Variants in NIBAN2 observed in about 807,000 individuals in gnomAD.
NIBAN2 encodes the protein protein Niban 2.
In NIBAN2, 36 loss-of-function variants were observed where a neutral mutation model predicts 81.8. That is an observed-to-expected ratio of 0.44 (90% CI 0.34 to 0.58). NIBAN2 has a LOEUF of 0.58. Ranked by LOEUF, NIBAN2 falls within the 20% of genes least tolerant of loss-of-function variation. NIBAN2 has a pLI of 0.02. For synonymous variants in NIBAN2, 445 were observed against 441.6 expected (o/e 1.01, Z -0.10); for missense variants, 897 against 1,014.1 (o/e 0.88, Z 1.57).
intron 1 of NIBAN2, among the ~76,000 whole-genome samples, chr9:127,566,179 C>A (rs1468768298): frequency 6.6e-6 from 1 of 152,092 alleles, no homozygotes; most frequent in African/African-American, 2.4e-5. Context: ...ATACTGGGAC[C>A]TTGAGCTGGC....
At chr9:127,561,520 C>T (rs1161627650) in intron 1 of NIBAN2, among the ~76,000 whole-genome samples, 1 of 152,216 alleles carries the variant, frequency 6.6e-6, no homozygotes, top group Non-Finnish European at 1.5e-5. Context: ...GGCTCTAAGA[C>T]TCAGACAGGT....
intron 1 of NIBAN2, among the ~76,000 whole-genome samples, chr9:127,538,363 C>T (rs1289233173): frequency 6.6e-6 from 1 of 152,186 alleles, no homozygotes; most frequent in Non-Finnish European, 1.5e-5. Context: ...TTAATCCTAA[C>T]AGGTATTAGT....
intron 9 of NIBAN2, 61 bp from the exon 10 acceptor site, chr9:127,509,192 C>T (rs548651166): frequency 6.0e-6 from 9 of 1,504,478 alleles, no homozygotes; most frequent in Middle Eastern, 2.1e-4. Context: ...CAGCACCCCC[C>T]ACACACTTTG....
chr9:127,540,191 C>T (rs751296306), intron 1 of NIBAN2, among the ~76,000 whole-genome samples: 1 of 152,158 alleles, frequency 6.6e-6, no homozygotes, highest in African/African-American at 2.4e-5. Context: ...TCCAAACTGA[C>T]AACGTTAAGG....
chr9:127,519,553 C>T (rs1221797693), intron 5 of NIBAN2, among the ~76,000 whole-genome samples: 1 of 152,262 alleles, frequency 6.6e-6, no homozygotes, highest in Non-Finnish European at 1.5e-5. Context: ...GAAAAAGCCC[C>T]TCTCTGGGTC....
At chr9:127,513,043 A>G (rs146075754) in intron 8 of NIBAN2, among the ~76,000 whole-genome samples, 81 of 152,356 alleles carry the variant, frequency 5.3e-4, no homozygotes, top group Admixed American at 2.9e-3. Flanking sequence ...GCCGTAAAAA[A>G]GAACGAGTTT....
At chr9:127,510,018 AG>A (rs1203341177) in intron 9 of NIBAN2, 127 bp downstream of exon 9, 6 of 833,216 alleles carry the variant, frequency 7.2e-6, no homozygotes, top group Non-Finnish European at 1.1e-5. Context: ...AGTCCCCAGC[AG>A]CCCCTCCCCG....
intron 1 of NIBAN2, among the ~76,000 whole-genome samples, chr9:127,554,548 C>CTTTTTTTTTTTT (rs1230242603): frequency 0.014 from 1,406 of 103,760 alleles, 1 homozygote; most frequent in Non-Finnish European, 0.018. Context: ...TTTTCTTTTT[C>CTTTTTTTTTTTT]TTTTTTTTTT....
upstream of NIBAN2, among the ~76,000 whole-genome samples, chr9:127,572,203 G>A (rs1345053859): frequency 6.6e-6 from 1 of 151,914 alleles, no homozygotes; most frequent in East Asian, 1.9e-4. Flanking sequence ...TCATAGAGAT[G>A]GGATCTCACC....
intron 1 of NIBAN2, among the ~76,000 whole-genome samples, chr9:127,537,644 C>G (rs1837303687): frequency 6.6e-6 from 1 of 152,172 alleles, no homozygotes; most frequent in African/African-American, 2.4e-5. Flanking sequence ...TTGGTTGCCC[C>G]CTTTTCGCTT....
chr9:127,508,132 G>C lies in NIBAN2; in HGVS notation c.1503C>G (p.Ile501Met), dbSNP rs369275279. 1.1e-4 allele frequency: 179 copies of C among 1,613,550 alleles called. No homozygotes were observed. The highest frequency in any genetic ancestry group is 1.4e-4 in the Non-Finnish European group (169 of 1,180,034). The change falls in exon 12 of 14, where the codon ATC becomes ATG. Residue 501 changes from isoleucine to methionine, a missense_variant. By Grantham distance (10) the Ile-to-Met change is conservative. Coordinates refer to ENST00000373312, the MANE Select transcript of NIBAN2 (RefSeq NM_022833.4). This position sits in a 1 kb window ranked among gnomAD's most constrained non-coding sequence, Gnocchi z 6.4. ...GGGCCAGCTTCTTGAGCAGGAACGGGATGCTGATCTGCAGCAGCGCCTCCC... is the reference window on the plus strand; with the variant it reads ...GGGCCAGCTTCTTGAGCAGGAACGGCATGCTGATCTGCAGCAGCGCCTCCC... Reference protein sequence around the residue: ...FFREALLQISIPFLLKKLAPT... With the variant: ...FFREALLQISMPFLLKKLAPT...
At chr9:127,531,806 G>C in intron 1 of NIBAN2, 28 bp from the exon 2 acceptor site, 1 of 1,613,752 alleles carries the variant, frequency 6.2e-7, no homozygotes. Context: ...GCAGGAGCTT[G>C]AGGTCCTCAG....
Position 127,506,878 on chromosome 9 carries a change from G to A in NIBAN2, c.2208C>T (p.Thr736=), listed in dbSNP as rs182361989. Residue 736 remains threonine (T), a synonymous_variant, in exon 14 of 14, where the codon ACC becomes ACT. Coordinates refer to ENST00000373312, the MANE Select transcript of NIBAN2 (RefSeq NM_022833.4). Reference sequence around the variant, plus strand: ...CAGTCTGCACCCCTGCACTGTCCTCGGTGGTGGTGTGGAGGGCGGGGTGGC... The same window carrying A: ...CAGTCTGCACCCCTGCACTGTCCTCAGTGGTGGTGTGGAGGGCGGGGTGGC... ...PSSHPALHTT[T]EDSAGVQTEF is the part of the protein sequence containing the mutation. 4.2e-5 allele frequency: 68 copies of A among 1,612,674 alleles called. No homozygotes were observed. Among genetic ancestry groups the A allele is most frequent in the African/African-American group, 6.7e-5 (5 of 75,060 alleles).
chr9:127,526,715 A>C (rs1837072647), intron 3 of NIBAN2, among the ~76,000 whole-genome samples: 1 of 152,134 alleles, frequency 6.6e-6, no homozygotes, highest in Non-Finnish European at 1.5e-5. Context: ...GATAAGGCAC[A>C]ATGCTCCCAT....
At position 127,563,638 on chromosome 9, in the gene NIBAN2, G is replaced by A. The variant is rs1376137301; in HGVS notation, c.55+5182C>T. On this transcript the variant is annotated intron_variant, in intron 1 of 13. Transcript: ENST00000373312. The surrounding 1 kb of genome is among the most constrained non-coding windows in gnomAD (Gnocchi z 4.1). ...CCCGGGTTCAAGCGATTCTTGTGCCGCAGCCTCCCAAGTAGCTGGGACTAC... is the reference window on the plus strand; with the variant it reads ...CCCGGGTTCAAGCGATTCTTGTGCCACAGCCTCCCAAGTAGCTGGGACTAC... Among the ~76,000 whole-genome samples, 1 of 151,602 alleles carries A rather than the reference G, an allele frequency of 6.6e-6. No individual in the cohort carries two copies.
chr9:127,538,633 A>C (rs1837322750), intron 1 of NIBAN2, among the ~76,000 whole-genome samples: 1 of 144,982 alleles, frequency 6.9e-6, no homozygotes, highest in South Asian at 2.1e-4. Flanking sequence ...TCTCAAAGAA[A>C]AAAAAAAAAA....
At position 127,517,409 on chromosome 9, in the gene NIBAN2, G is replaced by T. The variant is rs974405074; in HGVS notation, c.706-193C>A. ...CCCAACTCATCTGCCTGGGTGTCCT[G>T]TAGGATCCTCAGACTCAAGGGCCAG... On this transcript the variant is annotated intron_variant, in intron 6 of 13. Transcript: ENST00000373312. This position sits in a 1 kb window ranked among gnomAD's most constrained non-coding sequence, Gnocchi z 4.0. Among the ~76,000 whole-genome samples the T allele has an allele frequency of 6.6e-6, 1 of 152,170 alleles. No individual in the cohort carries two copies. Among genetic ancestry groups the T allele is most frequent in the Non-Finnish European group, 1.5e-5 (1 of 68,018 alleles).
chr9:127,513,887 C>T (rs1836778132), intron 8 of NIBAN2, among the ~76,000 whole-genome samples: 1 of 152,210 alleles, frequency 6.6e-6, no homozygotes, highest in South Asian at 2.1e-4. Flanking sequence ...GGACCCCTTT[C>T]TGGTTACAGA....
Position 127,509,117 on chromosome 9 carries a change from C to T in NIBAN2, c.1176G>A (p.Leu392=). 6.2e-7 allele frequency: 1 copy of T among 1,611,806 alleles called. No homozygotes were observed. Among genetic ancestry groups the T allele is most frequent in the Non-Finnish European group, 8.5e-7 (1 of 1,179,792 alleles). ...TCAGGGGGTGGTACGCCAGCCGGGA[C>T]AGCTTCTCCATGTACTGCAGGGGCC... ...IDKLGEYMEK[L]SRLAYHPLKM... is the part of the protein sequence containing the mutation. Residue 392 remains leucine (L), a synonymous_variant, in exon 10 of 14, where the codon CTG becomes CTA. Transcript: ENST00000373312.
Sources: gnomAD v4.1 joint callset for allele counts (sites outside exome capture counted in the v4.1 genomes callset) on GRCh38, gnomAD v4.1.1 for gene constraint, Gnocchi (gnomAD v3.1) non-coding constraint, MANE v1.5 for transcripts, NCBI Gene and HGNC (gene_info 2026-07-23, HGNC 2026-07-21) for gene names.